THSD7B: variants seen among roughly 807,000 people sequenced by gnomAD.
THSD7B encodes thrombospondin type-1 domain-containing protein 7B.
THSD7B carries 138 observed loss-of-function variants against 213.6 expected under a neutral mutation model. That is an observed-to-expected ratio of 0.65 (90% CI 0.56 to 0.74). The LOEUF is 0.74. Ranked by LOEUF, THSD7B falls within the 30% of genes least tolerant of loss-of-function variation. The pLI, the probability that THSD7B is intolerant of heterozygous loss-of-function variation, is 0.00. For synonymous variants in THSD7B, 742 were observed against 687.0 expected (o/e 1.08, Z -1.25); for missense variants, 1,931 against 1,991.5 (o/e 0.97, Z 0.58).
intron 7 of THSD7B, among the ~76,000 whole-genome samples, chr2:137,195,172 A>C (rs570935469): frequency 1.3e-5 from 2 of 152,154 alleles, no homozygotes; most frequent in South Asian, 4.1e-4. Flanking sequence ...TCTTCTAAAA[A>C]ACTTTAATAA....
At chr2:136,845,182 GT>G (rs1682987160) in intron 1 of THSD7B, among the ~76,000 whole-genome samples, 1 of 152,206 alleles carries the variant, frequency 6.6e-6, no homozygotes, top group African/African-American at 2.4e-5. Flanking sequence ...AGAGACTGTT[GT>G]GCATTGGAGC....
intron 9 of THSD7B, among the ~76,000 whole-genome samples, chr2:137,235,496 A>G (rs116514797): frequency 6.6e-6 from 1 of 152,318 alleles, no homozygotes; most frequent in African/African-American, 2.4e-5. Flanking sequence ...AATTATCATC[A>G]TATTTTAAAG....
At chr2:137,429,885 G>GT (rs1345764850) in intron 14 of THSD7B, among the ~76,000 whole-genome samples, 1 of 152,066 alleles carries the variant, frequency 6.6e-6, no homozygotes, top group East Asian at 1.9e-4. Context: ...GTTTCACCTT[G>GT]TTTTTTAAAG....
intron 9 of THSD7B, among the ~76,000 whole-genome samples, chr2:137,239,390 G>T (rs1002418949): frequency 2.0e-5 from 3 of 152,122 alleles, no homozygotes; most frequent in Admixed American, 1.3e-4. Context: ...ACAGTTGGAA[G>T]CCTTATGCCA....
At chr2:136,926,407 A>C (rs1302537958) in intron 2 of THSD7B, among the ~76,000 whole-genome samples, 2 of 152,118 alleles carry the variant, frequency 1.3e-5, no homozygotes, top group Admixed American at 1.3e-4. Context: ...AAGTTAAAAA[A>C]AATTGGCCAG....
At chr2:136,929,355 T>C (rs1250432970) in intron 2 of THSD7B, among the ~76,000 whole-genome samples, 3 of 152,236 alleles carry the variant, frequency 2.0e-5, no homozygotes, top group Non-Finnish European at 4.4e-5. Context: ...CCCCACTTGC[T>C]ATGACTTCCC....
intron 4 of THSD7B, among the ~76,000 whole-genome samples, chr2:137,110,794 C>A (rs1366577091): frequency 6.6e-6 from 1 of 152,164 alleles, no homozygotes; most frequent in Non-Finnish European, 1.5e-5. Context: ...GGGCCATGGA[C>A]TGCATATACG....
Position 137,056,653 on chromosome 2 carries a change from A to C in THSD7B, c.373A>C (p.Lys125Gln). The C allele has an allele frequency of 6.2e-7, 1 of 1,613,972 alleles. No individual in the cohort carries two copies. The highest frequency in any genetic ancestry group is 1.1e-5 in the South Asian group (1 of 91,074). The change falls in exon 3 of 28, where the codon AAG (lysine) becomes CAG (glutamine). Residue 125 changes from lysine (K) to glutamine (Q), a missense_variant. By Grantham distance (53) the Lys-to-Gln change is moderately conservative. Transcript: ENST00000409968. ...TGTTCCTTACGCTCGCGGTGAAGTC[A>C]AGCCTCGGACTGCAGAGTGTGTGAC... ...VLVPYARGEV[K>Q]PRTAECVTAQ...
At chr2:137,350,531 C>T (rs555571592) in intron 12 of THSD7B, among the ~76,000 whole-genome samples, 1 of 151,712 alleles carries the variant, frequency 6.6e-6, no homozygotes, top group Non-Finnish European at 1.5e-5. Context: ...AGTTTATAAG[C>T]CACATTCATG....
intron 12 of THSD7B, among the ~76,000 whole-genome samples, chr2:137,342,829 C>T (rs1311912416): frequency 1.3e-5 from 2 of 151,584 alleles, no homozygotes; most frequent in Non-Finnish European, 3.0e-5. Context: ...TGTAATGTGT[C>T]ATGTTTATTG....
At chr2:137,339,364 T>G (rs1383120466) in intron 12 of THSD7B, among the ~76,000 whole-genome samples, 2 of 151,950 alleles carry the variant, frequency 1.3e-5, no homozygotes, top group African/African-American at 4.8e-5. Context: ...CTGAGTGCTA[T>G]GAGAGAAGAA....
chr2:137,089,292 A>ATATGTGTGTG (rs1687903800), intron 3 of THSD7B, among the ~76,000 whole-genome samples: 1 of 121,244 alleles, frequency 8.2e-6, no homozygotes, highest in African/African-American at 4.9e-5. Context: ...ATATATACAT[A>ATATGTGTGTG]TATATGTGTG....
At chr2:137,160,395 AT>A in intron 6 of THSD7B, 27 bp downstream of exon 6, 1 of 1,607,970 alleles carries the variant, frequency 6.2e-7, no homozygotes, top group South Asian at 1.1e-5. Context: ...CATGCGCTTC[AT>A]TTGCTGTCAG....
intron 1 of THSD7B, among the ~76,000 whole-genome samples, chr2:136,769,288 A>G (rs113664538): frequency 2.0e-5 from 3 of 152,318 alleles, no homozygotes; most frequent in African/African-American, 7.2e-5. Context: ...TAAGCCATGA[A>G]TCCTGGTATG....
intron 2 of THSD7B, among the ~76,000 whole-genome samples, chr2:136,992,877 G>A (rs1685814865): frequency 6.6e-6 from 1 of 152,162 alleles, no homozygotes; most frequent in Non-Finnish European, 1.5e-5. Flanking sequence ...GTTAAAACAT[G>A]TTTGCCCAAC....
Position 137,160,227 on chromosome 2 carries a change from G to A in THSD7B, c.1384G>A (p.Glu462Lys), listed in dbSNP as rs1679990009. 2 of 1,613,064 alleles carry A rather than the reference G, an allele frequency of 1.2e-6. No individual in the cohort carries two copies. The highest frequency in any genetic ancestry group is 1.7e-5 in the Admixed American group (1 of 59,938). Residue 462 changes from glutamate to lysine, a missense_variant, in exon 6 of 28, where the codon GAA (glutamate) becomes AAA (lysine). By Grantham distance (56) the Glu-to-Lys change is moderately conservative (BLOSUM62 1). Coordinates refer to ENST00000409968, the MANE Select transcript of THSD7B (RefSeq NM_001316349.2). ...LRAKEVSRPV[E>K]KALCVGPAPL... Reference sequence around the variant, plus strand: ...TTGTCCCTCAGTCTCTAGACCTGTGGAAAAGGCATTATGTGTGGGACCCGC... The same window carrying A: ...TTGTCCCTCAGTCTCTAGACCTGTGAAAAAGGCATTATGTGTGGGACCCGC...
chr2:137,306,714 T>A (rs987039179), intron 12 of THSD7B, among the ~76,000 whole-genome samples: 1 of 152,112 alleles, frequency 6.6e-6, no homozygotes, highest in African/African-American at 2.4e-5. Context: ...TTTACCCTTT[T>A]ATATCTTGAG....
At chr2:137,117,912 A>G (rs1388544200) in intron 5 of THSD7B, among the ~76,000 whole-genome samples, 1 of 152,128 alleles carries the variant, frequency 6.6e-6, no homozygotes, top group Non-Finnish European at 1.5e-5. Context: ...CCTGTTGATG[A>G]CTTATTTTTG....
chr2:137,518,449 C>G (rs1680115698), intron 15 of THSD7B, among the ~76,000 whole-genome samples: 1 of 152,032 alleles, frequency 6.6e-6, no homozygotes, highest in African/African-American at 2.4e-5. Flanking sequence ...GGGCTGTAGC[C>G]AATGGTTTGG....
Sources: gnomAD v4.1 joint callset for allele counts (sites outside exome capture counted in the v4.1 genomes callset) on GRCh38, gnomAD v4.1.1 for gene constraint, MANE v1.5 for transcripts, NCBI Gene and HGNC (gene_info 2026-07-23, HGNC 2026-07-21) for gene names.